CDC37L1: variants seen among roughly 807,000 people sequenced by gnomAD.
CDC37L1 encodes the protein hsp90 co-chaperone Cdc37-like 1.
CDC37L1 carries 32 observed loss-of-function variants against 45.9 expected under a neutral mutation model. That is an observed-to-expected ratio of 0.70 (90% confidence interval 0.53 to 0.94). The LOEUF is 0.94. Among genes scored for constraint, CDC37L1 ranks in the 40% least tolerant of loss-of-function variants. CDC37L1 has a pLI of 0.00. For missense variants in CDC37L1, 434 were observed against 405.7 expected (o/e 1.07, Z -0.60); for synonymous variants, 150 against 133.0 (o/e 1.13, Z -0.88).
At chr9:4,703,921 G>A (rs16921877) in intron 6 of CDC37L1, among the ~76,000 whole-genome samples, 2,260 of 152,214 alleles carry the variant, frequency 0.015, 46 homozygotes, top group African/African-American at 0.052. Flanking sequence ...ATCTCCTCAT[G>A]GTGGGAGACC....
chr9:4,704,425 T>TTAGG (rs1287567859), intron 6 of CDC37L1, among the ~76,000 whole-genome samples: 3 of 152,238 alleles, frequency 2.0e-5, no homozygotes, highest in African/African-American at 7.2e-5. Context: ...TAAGTGTAGG[T>TTAGG]TAGGTCGGGT....
rs1034430063 is a variant in CDC37L1 at position 4,703,984 on chromosome 9, A to C, written c.912+1956A>C. Among the ~76,000 whole-genome samples the C allele has an allele frequency of 2.0e-5, 3 of 152,206 alleles. No homozygotes were observed. The East Asian group carries it at 5.8e-4, about 29-fold the overall frequency. On this transcript the variant is annotated intron_variant, in intron 6 of 6. Transcript: ENST00000381854. ...TCCTGATGTGGTCCTTCTGAAGGATACAAGGGCTGGAGAAAATTTCAGTTA... is the reference window on the plus strand; with the variant it reads ...TCCTGATGTGGTCCTTCTGAAGGATCCAAGGGCTGGAGAAAATTTCAGTTA...
At chr9:4,701,035 C>T (rs1183624731) in intron 5 of CDC37L1, among the ~76,000 whole-genome samples, 1 of 152,208 alleles carries the variant, frequency 6.6e-6, no homozygotes, top group Non-Finnish European at 1.5e-5. Context: ...AGGATGGCAG[C>T]ACAGAACACT....
chr9:4,700,700 A>G (rs766214239), intron 5 of CDC37L1, among the ~76,000 whole-genome samples: 2 of 152,186 alleles, frequency 1.3e-5, no homozygotes, highest in Non-Finnish European at 2.9e-5. Context: ...ACTTTGTTCC[A>G]GGGACTATTC....
At chr9:4,705,487 T>C (rs1389789840) in intron 6 of CDC37L1, among the ~76,000 whole-genome samples, 1 of 152,180 alleles carries the variant, frequency 6.6e-6, no homozygotes, top group African/African-American at 2.4e-5. Flanking sequence ...AGGGTGTAAA[T>C]ACATCTCAAA....
intron 2 of CDC37L1, among the ~76,000 whole-genome samples, chr9:4,687,908 G>T (rs1184678762): frequency 6.6e-6 from 1 of 152,148 alleles, no homozygotes; most frequent in Non-Finnish European, 1.5e-5. Context: ...TTCTATACCT[G>T]CTTTTAATTG....
chr9:4,684,010 G>A (rs1181011200), intron 1 of CDC37L1, among the ~76,000 whole-genome samples: 1 of 152,218 alleles, frequency 6.6e-6, no homozygotes, highest in East Asian at 1.9e-4. Flanking sequence ...TTGTGGCCAG[G>A]CGCAGTGGCT....
chr9:4,701,919 C>G lies in CDC37L1; in HGVS notation c.803C>G (p.Ser268Ter). Residue 268 changes from serine to a stop codon, truncating the protein, a stop_gained, in exon 6 of 7, where the codon TCA (serine) becomes TGA (stop). Coordinates refer to ENST00000381854, the MANE Select transcript of CDC37L1 (RefSeq NM_017913.4). LOFTEE classifies it high-confidence loss of function. ...AFKNELEAFK[S>*]RVRLYSQSQS... is the part of the protein sequence containing the mutation. ...AAAAATGAACTTGAAGCTTTCAAGT[C>G]AAGAGTAAGACTTTATTCTCAATCA... The G allele has an allele frequency of 6.2e-7, 1 of 1,603,574 alleles. No individual in the cohort carries two copies.
chr9:4,690,545 C>T (rs577000971), intron 3 of CDC37L1, among the ~76,000 whole-genome samples: 4 of 152,262 alleles, frequency 2.6e-5, no homozygotes, highest in East Asian at 1.9e-4. Flanking sequence ...TATGCCACCA[C>T]GACCCCTGAA....
At chr9:4,701,664 A>G (rs72695839) in intron 5 of CDC37L1, among the ~76,000 whole-genome samples, 200 bp from the exon 6 acceptor site, 31 of 152,298 alleles carry the variant, frequency 2.0e-4, no homozygotes, top group Non-Finnish European at 3.8e-4. Flanking sequence ...GCAGAAGGAA[A>G]TGGAGCAAAC....
chr9:4,679,897 C>T lies in CDC37L1; in HGVS notation c.130C>T (p.Gln44Ter). Residue 44 changes from glutamine to a stop codon, truncating the protein, a stop_gained and splice_region_variant, in exon 1 of 7, where the codon CAG (glutamine) becomes TAG (stop). Transcript: ENST00000381854. LOFTEE classifies it high-confidence loss of function. ...CCCGCAGCTGCCAGGCGGCGGCGCCCAGGTGAGAAGGGGCCTGCGTTCTGC... is the reference window on the plus strand; with the variant it reads ...CCCGCAGCTGCCAGGCGGCGGCGCCTAGGTGAGAAGGGGCCTGCGTTCTGC... Reference protein sequence around the residue: ...RCPQLPGGGAQMYSHGIELAC... With the variant: ...RCPQLPGGGA 6.2e-7 allele frequency: 1 copy of T among 1,613,736 alleles called. No individual in the cohort carries two copies. Among genetic ancestry groups the T allele is most frequent in the Non-Finnish European group, 8.5e-7 (1 of 1,179,922 alleles).
At chr9:4,687,678 C>CA (rs59932144) in intron 2 of CDC37L1, among the ~76,000 whole-genome samples, 1,777 of 57,412 alleles carry the variant, frequency 0.031, 88 homozygotes, top group Middle Eastern at 0.12. Flanking sequence ...GACCCCATCT[C>CA]AAAAAAAAAA....
intron 6 of CDC37L1, among the ~76,000 whole-genome samples, chr9:4,704,068 G>A (rs898314704): frequency 1.3e-5 from 2 of 151,974 alleles, no homozygotes; most frequent in Non-Finnish European, 2.9e-5. Flanking sequence ...AAAATGAGAG[G>A]CCACCTGAAA....
chr9:4,694,333 GCCTC>G (rs1434989843), intron 3 of CDC37L1, among the ~76,000 whole-genome samples: 1 of 152,028 alleles, frequency 6.6e-6, no homozygotes, highest in Non-Finnish European at 1.5e-5. Flanking sequence ...TCCTGCCTTG[GCCTC>G]CCAAAATGCT....
intron 3 of CDC37L1, among the ~76,000 whole-genome samples, chr9:4,692,371 G>T (rs1485613064): frequency 6.6e-6 from 1 of 151,778 alleles, no homozygotes; most frequent in Non-Finnish European, 1.5e-5. Context: ...CCGGGTTCAA[G>T]CGTTCCTGCT....
chr9:4,679,765 G>T lies in CDC37L1; in HGVS notation c.-3G>T. ...GCGGTTGTAGGACCCGGAGCAGCCG[G>T]ACATGGAACAACCGTGGCCGCCTCC... On this transcript the variant is annotated 5_prime_UTR_variant, in exon 1 of 7. Transcript: ENST00000381854. 1 of 1,611,018 alleles carries T rather than the reference G, an allele frequency of 6.2e-7. No homozygotes were observed. The highest frequency in any genetic ancestry group is 1.3e-5 in the African/African-American group (1 of 75,006).
chr9:4,679,660 C>T lies in CDC37L1; in HGVS notation c.-108C>T, dbSNP rs919902388. 1.0e-5 allele frequency: 11 copies of T among 1,060,138 alleles called. No individual in the cohort carries two copies. The highest frequency in any genetic ancestry group is 3.4e-4 in the Middle Eastern group (1 of 2,972). 65.7% of individuals were successfully genotyped at this position (1,060,138 alleles called of 1,614,324 possible). A position where few individuals can be genotyped will look rare whatever the true frequency, so the allele number is the denominator to read the frequency against. On this transcript the variant is annotated 5_prime_UTR_variant, in exon 1 of 7. Coordinates refer to ENST00000381854, the MANE Select transcript of CDC37L1 (RefSeq NM_017913.4). ...GAGGGATTCTGGGTAACGGCCCGGA[C>T]CCCCGGCTGGGCTTCTGGCTCGGCG... is the stretch of plus-strand genomic sequence containing the variant.
intron 5 of CDC37L1, 102 bp from the exon 6 acceptor site, chr9:4,701,762 C>T (rs1841398529): frequency 4.0e-6 from 3 of 743,792 alleles, no homozygotes; most frequent in Admixed American, 3.1e-5. Flanking sequence ...TTCACCTTGT[C>T]ATTACTTCCT....
chr9:4,701,824 T>G, intron 5 of CDC37L1, 40 bp from the exon 6 acceptor site: 6 of 1,481,140 alleles, frequency 4.1e-6, no homozygotes, highest in Non-Finnish European at 5.5e-6. Flanking sequence ...CTAGAAATCT[T>G]GAAGAACACA....
Sources: gnomAD v4.1 joint callset for allele counts (sites outside exome capture counted in the v4.1 genomes callset) on GRCh38, gnomAD v4.1.1 for gene constraint, MANE v1.5 for transcripts, NCBI Gene and HGNC (gene_info 2026-07-23, HGNC 2026-07-21) for gene names.